The following SCFD2 variants were observed in gnomAD, a reference collection of about 807,000 sequenced individuals.
SCFD2 encodes the protein sec1 family domain-containing protein 2.
In SCFD2, 54 loss-of-function variants were observed where a neutral mutation model predicts 58.9. That is an observed-to-expected ratio of 0.92 (90% confidence interval 0.74 to 1.15). SCFD2 has a LOEUF of 1.15. SCFD2 is among the 50% of genes most tolerant of loss of function. The pLI, the probability that SCFD2 is intolerant of heterozygous loss-of-function variation, is 0.00. For synonymous variants in SCFD2, 321 were observed against 335.9 expected, an observed-to-expected ratio of 0.96 and a Z score of 0.49; for missense variants, 805 against 836.6, an observed-to-expected ratio of 0.96 and a Z score of 0.47.
intron 5 of SCFD2, among the ~76,000 whole-genome samples, chr4:53,081,358 G>T (rs1432221923): frequency 6.6e-6 from 1 of 152,050 alleles, no homozygotes; most frequent in African/African-American, 2.4e-5. Flanking sequence ...CCATCACCCA[G>T]ACAGTGAGTA....
intron 5 of SCFD2, among the ~76,000 whole-genome samples, chr4:53,000,663 C>T (rs2148800239): frequency 6.6e-6 from 1 of 152,346 alleles, no homozygotes; most frequent in South Asian, 2.1e-4. Flanking sequence ...GGCCAGCCTA[C>T]TGCCCCTGGT....
intron 5 of SCFD2, among the ~76,000 whole-genome samples, chr4:52,953,529 G>A (rs1350125987): frequency 3.9e-5 from 6 of 152,186 alleles, no homozygotes; most frequent in Non-Finnish European, 8.8e-5. Context: ...TGCAGCCCCT[G>A]AAGGTGGTGT....
chr4:52,889,944 T>TTA lies in SCFD2; in HGVS notation c.1843-4080_1843-4079dup, dbSNP rs538877870. On this transcript the variant is annotated intron_variant, in intron 7 of 8. Coordinates refer to ENST00000401642, the MANE Select transcript of SCFD2 (RefSeq NM_152540.4). ...CCAGTGGGTTTTGGCCTGTTTGTGCTTAGTACTTAGCACCTGGTAAGCTTT... is the reference window on the plus strand; with the variant it reads ...CCAGTGGGTTTTGGCCTGTTTGTGCTTATAGTACTTAGCACCTGGTAAGCTTT... Among the ~76,000 whole-genome samples, 352 of 152,332 alleles carry TTA rather than the reference T, an allele frequency of 2.3e-3. 2 individuals are homozygous for TTA. Among genetic ancestry groups the TTA allele is most frequent in the African/African-American group, 8.0e-3 (331 of 41,574 alleles).
At chr4:53,211,461 G>A (rs1395356895) in intron 4 of SCFD2, among the ~76,000 whole-genome samples, 1 of 152,072 alleles carries the variant, frequency 6.6e-6, no homozygotes, top group Non-Finnish European at 1.5e-5. Context: ...AGACACTTCA[G>A]CAAATTAATC....
chr4:53,334,337 A>T (rs1165855936), intron 2 of SCFD2, among the ~76,000 whole-genome samples: 1 of 152,218 alleles, frequency 6.6e-6, no homozygotes, highest in Non-Finnish European at 1.5e-5. Flanking sequence ...AATAGCAAAG[A>T]CTTGGAACCA....
chr4:53,241,099 A>G (rs1475162979), intron 4 of SCFD2, among the ~76,000 whole-genome samples: 1 of 152,222 alleles, frequency 6.6e-6, no homozygotes, highest in Admixed American at 6.5e-5. Context: ...CTCCTGCAGA[A>G]GAGGTGAGTT....
rs542316725 is a variant in SCFD2, at chr4:53,214,407, G to T, written c.1311+59419C>A. ...GATTTGCATTTCTCTGATGGCCACT[G>T]ATGATGAGCATTTTTTTCATGTGTT... On this transcript the variant is annotated intron_variant, in intron 4 of 8. Transcript: ENST00000401642. 2.6e-5 allele frequency among the ~76,000 whole-genome samples: 4 copies of T among 152,258 alleles called. No homozygotes were observed. In the East Asian group the frequency reaches 7.7e-4, roughly 29 times the overall value.
intron 4 of SCFD2, among the ~76,000 whole-genome samples, chr4:53,167,209 C>T (rs554008134): frequency 6.6e-6 from 1 of 152,336 alleles, no homozygotes; most frequent in Non-Finnish European, 1.5e-5. Flanking sequence ...ATCACAGACA[C>T]AGATGCTCCC....
At chr4:53,244,138 T>C (rs998604739) in intron 4 of SCFD2, among the ~76,000 whole-genome samples, 6 of 152,196 alleles carry the variant, frequency 3.9e-5, no homozygotes, top group South Asian at 4.1e-4. Flanking sequence ...CACATAATAA[T>C]TGTGGGAGAC....
intron 5 of SCFD2, among the ~76,000 whole-genome samples, chr4:52,932,055 T>C (rs1016043492): frequency 2.0e-5 from 3 of 152,200 alleles, no homozygotes; most frequent in Non-Finnish European, 2.9e-5. Context: ...AGGTACACTA[T>C]TTCTGCTCTT....
chr4:52,966,375 C>T (rs1260502643), intron 5 of SCFD2, among the ~76,000 whole-genome samples: 2 of 152,170 alleles, frequency 1.3e-5, no homozygotes, highest in African/African-American at 2.4e-5. Flanking sequence ...CCAGGCAGTG[C>T]CCACGGTCAT....
intron 5 of SCFD2, among the ~76,000 whole-genome samples, chr4:52,985,462 TTATAATAAAATGCTAA>T (rs1401865444): frequency 6.6e-6 from 1 of 152,176 alleles, no homozygotes; most frequent in Non-Finnish European, 1.5e-5. Context: ...CCAAATGCAT[TTATAATAAAATGCTAA>T]TATCATCTTT....
chr4:53,218,354 T>C (rs1728927175), intron 4 of SCFD2, among the ~76,000 whole-genome samples: 1 of 152,214 alleles, frequency 6.6e-6, no homozygotes, highest in African/African-American at 2.4e-5. Context: ...TTTACTCTTT[T>C]TTCTCTAAAC....
At chr4:53,324,420 CA>C (rs34865805) in intron 2 of SCFD2, among the ~76,000 whole-genome samples, 11,412 of 93,526 alleles carry the variant, frequency 0.12, 366 homozygotes, top group East Asian at 0.24. Context: ...CCTGTCTCTC[CA>C]AAAAAAAAAA....
At chr4:53,273,746 C>A (rs749115535) in intron 4 of SCFD2, 80 bp downstream of exon 4, 2 of 1,192,514 alleles carry the variant, frequency 1.7e-6, no homozygotes, top group South Asian at 3.2e-5. Context: ...ATTACTAAGG[C>A]TATAATAAAT....
At position 53,177,558 on chromosome 4, in the gene SCFD2, A is replaced by G. The variant is rs1727379459; in HGVS notation, c.1312-31976T>C. Among the ~76,000 whole-genome samples the G allele has an allele frequency of 2.6e-5, 4 of 152,256 alleles. No individual in the cohort carries two copies. In the South Asian group the frequency reaches 8.3e-4, roughly 31 times the overall value. On this transcript the variant is annotated intron_variant, in intron 4 of 8. Coordinates refer to ENST00000401642, the MANE Select transcript of SCFD2 (RefSeq NM_152540.4). ...GGAGCCAAGATGGTCGAATAGGAACAGCTCCGGTCTACAGCTCCCAGCGTG... is the reference window on the plus strand; with the variant it reads ...GGAGCCAAGATGGTCGAATAGGAACGGCTCCGGTCTACAGCTCCCAGCGTG...
intron 2 of SCFD2, among the ~76,000 whole-genome samples, chr4:53,342,581 T>C (rs556322645): frequency 6.6e-6 from 1 of 152,266 alleles, no homozygotes; most frequent in South Asian, 2.1e-4. Flanking sequence ...TATCCAGGAA[T>C]TGAACTCAGC....
chr4:53,001,418 C>T (rs1721863502), intron 5 of SCFD2, among the ~76,000 whole-genome samples: 1 of 152,106 alleles, frequency 6.6e-6, no homozygotes, highest in Admixed American at 6.5e-5. Context: ...TATTTTGTTT[C>T]TCTTTGTTTA....
intron 4 of SCFD2, among the ~76,000 whole-genome samples, chr4:53,210,967 AG>A (rs1270453513): frequency 6.6e-6 from 1 of 152,032 alleles, no homozygotes; most frequent in Non-Finnish European, 1.5e-5. Context: ...AAGACGGGCC[AG>A]GCATGGTGGC....
Sources: gnomAD v4.1 joint callset for allele counts (sites outside exome capture counted in the v4.1 genomes callset) on GRCh38, gnomAD v4.1.1 for gene constraint, MANE v1.5 for transcripts, NCBI Gene and HGNC (gene_info 2026-07-23, HGNC 2026-07-21) for gene names.